Variants in SLC38A12 observed in about 807,000 individuals in gnomAD.
SLC38A12 encodes the protein solute carrier family 38 member 12, also known as putative sodium-coupled neutral amino acid transporter 12.
chr17:74,831,481 C>T, the SLC38A12 span, among the ~76,000 whole-genome samples: 1 of 152,218 alleles, frequency 6.6e-6, no homozygotes, highest in Non-Finnish European at 1.5e-5. Context: ...AGTCTTCTGC[C>T]TCCCCTTGTC....
the SLC38A12 span, chr17:74,794,966 A>C: frequency 6.8e-7 from 1 of 1,477,880 alleles, no homozygotes. Context: ...AAAAACATGC[A>C]GACATCTCTT....
the SLC38A12 span, among the ~76,000 whole-genome samples, chr17:74,796,164 G>A: frequency 1.3e-5 from 2 of 152,186 alleles, no homozygotes; most frequent in Non-Finnish European, 2.9e-5. Context: ...TGATTGCTTT[G>A]TGCCGTTGGT....
At chr17:74,824,698 C>T in the SLC38A12 span, among the ~76,000 whole-genome samples, 6 of 152,190 alleles carry the variant, frequency 3.9e-5, no homozygotes, top group Admixed American at 6.5e-5. Context: ...ATTGTGTATG[C>T]GGAGCAGACG....
chr17:74,839,172 T>C, the SLC38A12 span: 4 of 1,502,150 alleles, frequency 2.7e-6, no homozygotes, highest in Non-Finnish European at 3.6e-6. Flanking sequence ...TGCCAGCTTA[T>C]AGATGGGGCG....
chr17:74,799,535 CAG>C, the SLC38A12 span, among the ~76,000 whole-genome samples: 1 of 152,184 alleles, frequency 6.6e-6, no homozygotes, highest in Non-Finnish European at 1.5e-5. Context: ...CCCCTTGTGA[CAG>C]AGAGAGTCTT....
chr17:74,776,943 G>T, the SLC38A12 span, among the ~76,000 whole-genome samples: 1 of 152,210 alleles, frequency 6.6e-6, no homozygotes, highest in African/African-American at 2.4e-5. Context: ...AACCACCCCA[G>T]AGCGTGGAAA....
At chr17:74,828,767 A>T in the SLC38A12 span, among the ~76,000 whole-genome samples, 2 of 152,172 alleles carry the variant, frequency 1.3e-5, no homozygotes, top group Non-Finnish European at 2.9e-5. Context: ...GCAGCGTCTC[A>T]GCTCCACCCT....
chr17:74,834,818 G>A, the SLC38A12 span, among the ~76,000 whole-genome samples: 3 of 152,372 alleles, frequency 2.0e-5, no homozygotes, highest in East Asian at 3.9e-4. Flanking sequence ...AACAGAGAGA[G>A]CAGGGCTTGG....
the SLC38A12 span, chr17:74,788,795 GA>G: frequency 1.6e-5 from 25 of 1,612,876 alleles, no homozygotes; most frequent in Non-Finnish European, 2.0e-5. Flanking sequence ...TCAGCTTCGT[GA>G]CCACCACCTT....
chr17:74,816,981 A>G, the SLC38A12 span, among the ~76,000 whole-genome samples: 2 of 151,762 alleles, frequency 1.3e-5, no homozygotes, highest in African/African-American at 4.8e-5. Context: ...TGCCCCTGCT[A>G]GACCATCTGG....
the SLC38A12 span, among the ~76,000 whole-genome samples, chr17:74,787,345 G>A: frequency 1.4e-3 from 202 of 140,502 alleles, no homozygotes; most frequent in Non-Finnish European, 2.5e-3. Context: ...GAGATGGGCC[G>A]GGCGCGGTGG....
chr17:74,811,457 A>G, the SLC38A12 span, among the ~76,000 whole-genome samples: 3 of 152,212 alleles, frequency 2.0e-5, no homozygotes, highest in African/African-American at 7.2e-5. Context: ...ATGGTGGCTC[A>G]GGCCTGTAAT....
the SLC38A12 span, among the ~76,000 whole-genome samples, chr17:74,804,800 G>A: frequency 6.6e-6 from 1 of 152,240 alleles, no homozygotes; most frequent in South Asian, 2.1e-4. Context: ...AGGCCGGGAG[G>A]CCCCTGCGGT....
At chr17:74,782,388 C>T in the SLC38A12 span, among the ~76,000 whole-genome samples, 1 of 152,066 alleles carries the variant, frequency 6.6e-6, no homozygotes, top group Non-Finnish European at 1.5e-5. Flanking sequence ...TTCTTGTTGT[C>T]TGTTTCCTCC....
At chr17:74,834,054 C>T in the SLC38A12 span, among the ~76,000 whole-genome samples, 1 of 152,268 alleles carries the variant, frequency 6.6e-6, no homozygotes, top group East Asian at 1.9e-4. Flanking sequence ...CCCTCCTGCA[C>T]ATCCTGCCCT....
At chr17:74,818,229 C>T in the SLC38A12 span, among the ~76,000 whole-genome samples, 2 of 152,154 alleles carry the variant, frequency 1.3e-5, no homozygotes, top group Admixed American at 6.5e-5. Context: ...AGAGCCCTTT[C>T]CTCTGCCTTC....
the SLC38A12 span, among the ~76,000 whole-genome samples, chr17:74,796,007 C>A: frequency 2.0e-5 from 3 of 152,166 alleles, no homozygotes; most frequent in Non-Finnish European, 2.9e-5. Context: ...TTACTCCTGG[C>A]CAGCCCAAGA....
chr17:74,830,980 G>C, the SLC38A12 span, among the ~76,000 whole-genome samples: 1 of 152,244 alleles, frequency 6.6e-6, no homozygotes, highest in Non-Finnish European at 1.5e-5. Context: ...CTGCCTATGG[G>C]TGTCCTCGGG....
the SLC38A12 span, among the ~76,000 whole-genome samples, chr17:74,792,123 G>A: frequency 0.018 from 2,668 of 150,780 alleles, 62 homozygotes; most frequent in African/African-American, 0.061. Flanking sequence ...TCCAGCCTGG[G>A]CTACAGAGCG....
Sources: allele counts gnomAD v4.1 joint callset (sites outside exome capture counted in the v4.1 genomes callset), GRCh38; gene constraint gnomAD v4.1.1; transcripts MANE v1.5; gene names NCBI Gene and HGNC (gene_info 2026-07-23, HGNC 2026-07-21).